XRN1: variants seen among roughly 807,000 people sequenced by gnomAD.
XRN1 encodes the protein 5'-3' exoribonuclease 1, also known as strand-exchange protein 1 homolog.
In XRN1, 67 loss-of-function variants were observed where a neutral mutation model predicts 222.3. That is an observed-to-expected ratio of 0.30 (90% confidence interval 0.25 to 0.37). The LOEUF is 0.37. Ranked by LOEUF, XRN1 falls within the 10% of genes least tolerant of loss-of-function variation. The pLI, the probability that XRN1 is intolerant of heterozygous loss-of-function variation, is 1.00. For synonymous variants in XRN1, 643 were observed against 652.4 expected, an observed-to-expected ratio of 0.99 and a Z score of 0.22; for missense variants, 1,707 against 2,000.2, an observed-to-expected ratio of 0.85 and a Z score of 2.80.
chr3:142,364,988 C>T, intron 29 of XRN1, 59 bp downstream of exon 29: 2 of 1,513,698 alleles, frequency 1.3e-6, no homozygotes, highest in South Asian at 2.6e-5. Context: ...ACAGACAAGC[C>T]TGTTTATTAC....
intron 32 of XRN1, among the ~76,000 whole-genome samples, chr3:142,354,827 G>C (rs1021161623): frequency 2.0e-5 from 3 of 151,976 alleles, no homozygotes; most frequent in African/African-American, 7.3e-5. Context: ...CACAGTGCCC[G>C]GCCAGATTTT....
intron 32 of XRN1, among the ~76,000 whole-genome samples, chr3:142,353,606 G>A (rs2066376140): frequency 1.3e-5 from 2 of 152,260 alleles, no homozygotes; most frequent in Admixed American, 1.3e-4. Flanking sequence ...ACATGATGCT[G>A]GATAGCTGGC....
rs149420968 is a variant in XRN1 at position 142,356,866 on chromosome 3, G to C, written c.3672+46C>G. Reference sequence around the variant, plus strand: ...ATTTACAAAGTCTGCTGTGATTTGTGATTTGTAAAAGGGGTAGAGGAGAAG... The same window carrying C: ...ATTTACAAAGTCTGCTGTGATTTGTCATTTGTAAAAGGGGTAGAGGAGAAG... On this transcript the variant is annotated intron_variant, in intron 31 of 40. Transcript: ENST00000392981. The C allele has an allele frequency of 2.3e-3, 3,621 of 1,557,008 alleles. 8 individuals are homozygous for C. Among genetic ancestry groups the C allele is most frequent in the Non-Finnish European group, 2.9e-3 (3,273 of 1,131,424 alleles).
At chr3:142,355,208 G>A (rs2066428931) in intron 32 of XRN1, 193 bp downstream of exon 32, 1 of 321,066 alleles carries the variant, frequency 3.1e-6, no homozygotes, top group Non-Finnish European at 5.6e-6. Flanking sequence ...TAACAAACCT[G>A]TACATGTATC....
chr3:142,337,055 T>C (rs1163626423), intron 33 of XRN1, among the ~76,000 whole-genome samples: 2 of 152,116 alleles, frequency 1.3e-5, no homozygotes, highest in African/African-American at 4.8e-5. Context: ...AAGATTTTAA[T>C]ACCTATAATA....
At chr3:142,340,018 G>A (rs2065948667) in intron 33 of XRN1, among the ~76,000 whole-genome samples, 1 of 152,040 alleles carries the variant, frequency 6.6e-6, no homozygotes, top group African/African-American at 2.4e-5. Flanking sequence ...AATAGCAGAA[G>A]TGATTAAGCA....
intron 6 of XRN1, 122 bp from the exon 7 acceptor site, chr3:142,423,044 T>C: frequency 1.4e-6 from 1 of 720,256 alleles, no homozygotes; most frequent in Non-Finnish European, 2.3e-6. Flanking sequence ...AATTAAGGCA[T>C]ACAATTTATA....
chr3:142,347,730 TG>T (rs1484982837), intron 32 of XRN1, among the ~76,000 whole-genome samples: 1 of 151,952 alleles, frequency 6.6e-6, no homozygotes, highest in African/African-American at 2.4e-5. Context: ...TCTGAGTAGC[TG>T]GGACTACACG....
intron 15 of XRN1, among the ~76,000 whole-genome samples, chr3:142,409,346 T>C (rs1177815594): frequency 6.6e-6 from 1 of 152,236 alleles, no homozygotes; most frequent in African/African-American, 2.4e-5. Context: ...TTAAGTTTTG[T>C]GTATGGTGTG....
At chr3:142,348,906 CT>C (rs772775352) in intron 32 of XRN1, among the ~76,000 whole-genome samples, 6 of 152,170 alleles carry the variant, frequency 3.9e-5, no homozygotes, top group Non-Finnish European at 8.8e-5. Flanking sequence ...TCCCAAAGTG[CT>C]GGGATTACAG....
intron 5 of XRN1, among the ~76,000 whole-genome samples, chr3:142,423,867 T>C (rs1285589270): frequency 6.6e-6 from 1 of 152,176 alleles, no homozygotes; most frequent in African/African-American, 2.4e-5. Flanking sequence ...TCATAACCAT[T>C]ACCCTATCCC....
intron 20 of XRN1, among the ~76,000 whole-genome samples, chr3:142,389,622 C>T (rs1049331329): frequency 4.6e-5 from 7 of 152,090 alleles, no homozygotes; most frequent in South Asian, 2.1e-4. Flanking sequence ...CAGGTTCAAG[C>T]GATTCTACTG....
At chr3:142,415,718 T>C (rs1359960161) in intron 13 of XRN1, among the ~76,000 whole-genome samples, 1 of 151,852 alleles carries the variant, frequency 6.6e-6, no homozygotes, top group Non-Finnish European at 1.5e-5. Context: ...AGTGAAACCA[T>C]AATTAATGTC....
intron 13 of XRN1, among the ~76,000 whole-genome samples, chr3:142,416,159 T>C (rs1384417769): frequency 6.6e-6 from 1 of 152,098 alleles, no homozygotes; most frequent in African/African-American, 2.4e-5. Context: ...CATTTTTCAA[T>C]GATTATTCTG....
intron 32 of XRN1, among the ~76,000 whole-genome samples, chr3:142,350,823 T>G (rs887762307): frequency 1.3e-5 from 2 of 152,182 alleles, no homozygotes; most frequent in Admixed American, 6.5e-5. Context: ...GGCTATTAAC[T>G]GAGATGGAAA....
chr3:142,434,946 T>G (rs1241345726), intron 1 of XRN1: 4 of 152,154 alleles, frequency 2.6e-5, no homozygotes, highest in Non-Finnish European at 5.9e-5. Context: ...ATACAAATAT[T>G]TTTAAACTCT....
chr3:142,392,528 T>C (rs1322613001), intron 20 of XRN1, among the ~76,000 whole-genome samples: 1 of 152,088 alleles, frequency 6.6e-6, no homozygotes, highest in Non-Finnish European at 1.5e-5. Flanking sequence ...CCTGTGTCCA[T>C]GTGATCTCAT....
chr3:142,418,668 C>G, intron 11 of XRN1, 59 bp from the exon 12 acceptor site: 1 of 1,478,918 alleles, frequency 6.8e-7, no homozygotes, highest in Non-Finnish European at 9.3e-7. Context: ...GTTTTTCCAC[C>G]TAATGATTTG....
chr3:142,421,242 G>T, intron 9 of XRN1, 89 bp from the exon 10 acceptor site: 2 of 1,255,098 alleles, frequency 1.6e-6, no homozygotes, highest in South Asian at 1.8e-5. Flanking sequence ...CTACTACTGG[G>T]GTATAGGAAA....
Sources: gnomAD v4.1 joint callset for allele counts (sites outside exome capture counted in the v4.1 genomes callset) on GRCh38, gnomAD v4.1.1 for gene constraint, MANE v1.5 for transcripts, NCBI Gene and HGNC (gene_info 2026-07-23, HGNC 2026-07-21) for gene names.